The following SELENOV variants were observed in gnomAD, a reference collection of about 807,000 sequenced individuals.
The protein encoded by SELENOV is selenoprotein V.
Under a neutral mutation model 21.6 loss-of-function variants are expected in SELENOV, and 25 were observed. The observed-to-expected ratio is 1.16, with a 90% CI of 0.84 to 1.62. The LOEUF is 1.62. Among genes scored for constraint, SELENOV ranks in the 40% most tolerant of loss-of-function variants. SELENOV has a pLI of 0.00. For synonymous variants in SELENOV, 227 were observed against 216.9 expected (o/e 1.05, Z -0.41); for missense variants, 472 against 459.0 (o/e 1.03, Z -0.26).
intron 1 of SELENOV, 76 bp from the exon 2 acceptor site, chr19:39,518,532 T>G: frequency 1.2e-5 from 17 of 1,455,312 alleles, no homozygotes; most frequent in Non-Finnish European, 1.4e-5. Flanking sequence ...TAGGGTGCCC[T>G]GAGCTGGGGA....
At chr19:39,516,049 A>C in intron 1 of SELENOV, 28 bp downstream of exon 1, 1 of 1,542,930 alleles carries the variant, frequency 6.5e-7, no homozygotes, top group Non-Finnish European at 8.8e-7. Context: ...GCCTCTCCCA[A>C]CCCCCGGGGA....
chr19:39,518,373 G>C (rs963700300), intron 1 of SELENOV: 1 of 593,276 alleles, frequency 1.7e-6, no homozygotes, highest in Non-Finnish European at 3.0e-6. Context: ...GAATTGGGGA[G>C]AAGTGGGAGA....
Position 39,515,353 on chromosome 19 carries a change from T to C in SELENOV, c.141T>C (p.Thr47=), listed in dbSNP as rs1318694061. Reference sequence around the variant, plus strand: ...CTCGGACCCCCATCCGGACCCTGACTCCAGTCCTGACTCCGTCTCCAGCCG... The same window carrying C: ...CTCGGACCCCCATCCGGACCCTGACCCCAGTCCTGACTCCGTCTCCAGCCG... Residue 47 remains threonine (T), a synonymous_variant, in exon 1 of 6, where the codon ACT becomes ACC. Coordinates refer to ENST00000335426, the Ensembl canonical transcript of SELENOV. This position sits in a 1 kb window ranked among gnomAD's most constrained non-coding sequence, Gnocchi z 5.1. 1.9e-6 allele frequency: 3 copies of C among 1,550,930 alleles called. No individual in the cohort carries two copies. The highest frequency in any genetic ancestry group is 2.6e-6 in the Non-Finnish European group (3 of 1,146,784).
At chr19:39,517,603 G>A (rs1393079600) in intron 1 of SELENOV, among the ~76,000 whole-genome samples, 1 of 152,060 alleles carries the variant, frequency 6.6e-6, no homozygotes, top group Non-Finnish European at 1.5e-5. Context: ...TGTGGATGCT[G>A]TGGGGAGAGC....
At chr19:39,519,266 G>T (rs2079716614) in intron 5 of SELENOV, 96 bp downstream of exon 5, 6 of 830,194 alleles carry the variant, frequency 7.2e-6, no homozygotes, top group Non-Finnish European at 1.2e-5. Context: ...TAGCTCAGCC[G>T]GTTCTCACTG....
In SELENOV at chr19:39,515,675, C is replaced by T. The variant is rs1273147697; in HGVS notation, c.463C>T (p.Pro155Ser). ...CCCGGCCCTACCTTTGGATCCGCCCCCGGAACCTGCTCCGGAGCTGCCTTT... is the reference window on the plus strand; with the variant it reads ...CCCGGCCCTACCTTTGGATCCGCCCTCGGAACCTGCTCCGGAGCTGCCTTT... Residue 155 changes from proline to serine, a missense_variant, in exon 1 of 6, where the codon CCG (proline) becomes TCG (serine). Pro to Ser is a moderately conservative substitution (Grantham distance 74). Transcript: ENST00000335426. This position sits in a 1 kb window ranked among gnomAD's most constrained non-coding sequence, Gnocchi z 5.1. The T allele has an allele frequency of 5.8e-6, 9 of 1,548,842 alleles. No homozygotes were observed. The highest frequency in any genetic ancestry group is 2.0e-5 in the Admixed American group (1 of 50,998).
At chr19:39,518,685 A>C in intron 2 of SELENOV, 53 bp downstream of exon 2, 1 of 1,613,032 alleles carries the variant, frequency 6.2e-7, no homozygotes, top group South Asian at 1.1e-5. Context: ...GAAGACTGGG[A>C]GGAGTCCCTG....
chr19:39,518,695 G>A, intron 2 of SELENOV, 45 bp from the exon 3 acceptor site: 1 of 1,613,188 alleles, frequency 6.2e-7, no homozygotes, highest in Non-Finnish European at 8.5e-7. Context: ...AGGAGTCCCT[G>A]TTTCCCCTCC....
At chr19:39,518,662 G>T (rs772183470) in intron 2 of SELENOV, 30 bp downstream of exon 2, 4 of 1,612,364 alleles carry the variant, frequency 2.5e-6, no homozygotes, top group African/African-American at 2.7e-5. Flanking sequence ...GAGGTAGGGG[G>T]AGCCTGAGGC....
chr19:39,515,531 A>G lies in SELENOV; in HGVS notation c.319A>G (p.Thr107Ala), dbSNP rs1316190414. Residue 107 changes from threonine (T) to alanine (A), a missense_variant, in exon 1 of 6, where the codon ACT becomes GCT. By Grantham distance (58) the Thr-to-Ala change is moderately conservative. Coordinates refer to ENST00000335426, the Ensembl canonical transcript of SELENOV. This position sits in a 1 kb window ranked among gnomAD's most constrained non-coding sequence, Gnocchi z 5.1. ...GACTCCCGTTCCCGTCCGGAACCCAACTCCGGTCCCGACTCCGGCTCGGAC... is the reference window on the plus strand; with the variant it reads ...GACTCCCGTTCCCGTCCGGAACCCAGCTCCGGTCCCGACTCCGGCTCGGAC... The G allele has an allele frequency of 6.5e-6, 10 of 1,548,638 alleles. No individual in the cohort carries two copies. In the East Asian group the frequency reaches 9.8e-5, roughly 15 times the overall value.
At position 39,515,572 on chromosome 19, in the gene SELENOV, C is replaced by T. The variant is rs1400747088; in HGVS notation, c.360C>T (p.Val120=). Residue 120 remains valine, a synonymous_variant, in exon 1 of 6, where the codon GTC becomes GTT. Transcript: ENST00000335426. This position sits in a 1 kb window ranked among gnomAD's most constrained non-coding sequence, Gnocchi z 5.1. ...CGGCTCGGACCCTGACTCCTCCAGTCCGGGTCCCAGCCCCAGCCCCAGCCC... is the reference window on the plus strand; with the variant it reads ...CGGCTCGGACCCTGACTCCTCCAGTTCGGGTCCCAGCCCCAGCCCCAGCCC... 1.3e-6 allele frequency: 2 copies of T among 1,549,438 alleles called. No individual in the cohort carries two copies. The highest frequency in any genetic ancestry group is 3.9e-5 in the Admixed American group (2 of 50,974).
At chr19:39,516,054 C>G in intron 1 of SELENOV, 33 bp downstream of exon 1, 1 of 1,543,132 alleles carries the variant, frequency 6.5e-7, no homozygotes, top group Non-Finnish European at 8.8e-7. Flanking sequence ...TCCCAACCCC[C>G]GGGGACAGGG....
intron 1 of SELENOV, among the ~76,000 whole-genome samples, chr19:39,517,988 A>AAAAAAAAT (rs1568455350): frequency 7.1e-6 from 1 of 140,902 alleles, no homozygotes; most frequent in Non-Finnish European, 1.5e-5. Flanking sequence ...AAAAAAAAAA[A>AAAAAAAAT]AAAGCCCAGC....
Position 39,515,537 on chromosome 19 carries a change from G to A in SELENOV, c.325G>A (p.Val109Ile), listed in dbSNP as rs2079690858. The A allele has an allele frequency of 5.8e-6, 9 of 1,550,042 alleles. No individual in the cohort carries two copies. The highest frequency in any genetic ancestry group is 2.0e-5 in the Admixed American group (1 of 50,938). ...CGTTCCCGTCCGGAACCCAACTCCG[G>A]TCCCGACTCCGGCTCGGACCCTGAC... Residue 109 changes from valine (V) to isoleucine (I), a missense_variant, in exon 1 of 6, where the codon GTC becomes ATC. By Grantham distance (29) the Val-to-Ile change is conservative. Coordinates refer to ENST00000335426, the Ensembl canonical transcript of SELENOV. This position sits in a 1 kb window ranked among gnomAD's most constrained non-coding sequence, Gnocchi z 5.1.
intron 1 of SELENOV, among the ~76,000 whole-genome samples, chr19:39,517,893 G>A (rs2079705021): frequency 6.8e-6 from 1 of 147,252 alleles, no homozygotes; most frequent in Non-Finnish European, 1.5e-5. Context: ...GAACCCAGGA[G>A]GTGGAAGGTT....
chr19:39,516,989 G>A (rs1428303937), intron 1 of SELENOV, among the ~76,000 whole-genome samples: 3 of 151,878 alleles, frequency 2.0e-5, no homozygotes, highest in East Asian at 1.9e-4. Flanking sequence ...GAGCCACCGC[G>A]CCTGGCCCCT....
chr19:39,516,022 G>A lies in SELENOV; in HGVS notation c.809+1G>A. The A allele has an allele frequency of 1.3e-6, 2 of 1,578,918 alleles. No individual in the cohort carries two copies. Among genetic ancestry groups the A allele is most frequent in the Non-Finnish European group, 1.7e-6 (2 of 1,162,938 alleles). On this transcript the variant is annotated splice_donor_variant, in intron 1 of 5. Coordinates refer to ENST00000335426, the Ensembl canonical transcript of SELENOV. LOFTEE classifies it high-confidence loss of function. ...GGGTCCTGATTCGAGTGACCTACTGGTGAGGACCTCACACATGCCTCTCCC... is the reference window on the plus strand; with the variant it reads ...GGGTCCTGATTCGAGTGACCTACTGATGAGGACCTCACACATGCCTCTCCC...
At position 39,515,437 on chromosome 19, in the gene SELENOV, T is replaced by A; in HGVS notation, c.225T>A (p.Thr75=). The A allele has an allele frequency of 1.3e-6, 2 of 1,551,194 alleles. No homozygotes were observed. Among genetic ancestry groups the A allele is most frequent in the Non-Finnish European group, 8.7e-7 (1 of 1,146,850 alleles). The change falls in exon 1 of 6, where the codon ACT becomes ACA. Residue 75 remains threonine (T), a synonymous_variant. Transcript: ENST00000335426. This position sits in a 1 kb window ranked among gnomAD's most constrained non-coding sequence, Gnocchi z 5.1. ...CCCAGATTCCCACTCTGGTCCCCAC[T>A]CCCGCTCTGGCCCGGATCCCCCGTC...
chr19:39,516,356 A>T (rs1424498571), intron 1 of SELENOV: 2 of 457,756 alleles, frequency 4.4e-6, no homozygotes, highest in African/African-American at 4.0e-5. Flanking sequence ...ACCCAAAGAC[A>T]CCGCACATGA....
Sources: allele counts gnomAD v4.1 joint callset (sites outside exome capture counted in the v4.1 genomes callset), GRCh38; gene constraint gnomAD v4.1.1; non-coding constraint Gnocchi (gnomAD v3.1); transcripts MANE v1.5; gene names NCBI Gene and HGNC (gene_info 2026-07-23, HGNC 2026-07-21).